Variants in TMEM63C observed in about 807,000 individuals in gnomAD.
TMEM63C encodes osmosensitive cation channel TMEM63C.
In TMEM63C, 32 loss-of-function variants were observed where a neutral mutation model predicts 99.2. That is an observed-to-expected ratio of 0.32 (90% CI 0.24 to 0.43). The LOEUF is 0.43. Among genes scored for constraint, TMEM63C ranks in the 20% least tolerant of loss-of-function variants. The pLI is 1.00. For synonymous variants in TMEM63C, 376 were observed against 397.9 expected, an observed-to-expected ratio of 0.94 and a Z score of 0.66; for missense variants, 826 against 1,053.0, an observed-to-expected ratio of 0.78 and a Z score of 2.98.
intron 1 of TMEM63C, among the ~76,000 whole-genome samples, chr14:77,197,908 C>T (rs1888238492): frequency 6.6e-6 from 1 of 152,208 alleles, no homozygotes; most frequent in South Asian, 2.1e-4. Flanking sequence ...CAGCCCACAT[C>T]TGGGGGTTTG....
At chr14:77,231,525 C>T in intron 6 of TMEM63C, 63 bp from the exon 7 acceptor site, 1 of 1,540,956 alleles carries the variant, frequency 6.5e-7, no homozygotes, top group Non-Finnish European at 8.8e-7. Flanking sequence ...CCTCTACCTC[C>T]CCGCAACAAG....
At chr14:77,225,950 A>C (rs1411650162) in intron 6 of TMEM63C, among the ~76,000 whole-genome samples, 1 of 151,442 alleles carries the variant, frequency 6.6e-6, no homozygotes, top group Non-Finnish European at 1.5e-5. Context: ...GCCAGACCCC[A>C]CTTTGCAAGC....
intron 12 of TMEM63C, among the ~76,000 whole-genome samples, chr14:77,240,179 G>A (rs532614462): frequency 1.3e-5 from 2 of 152,312 alleles, no homozygotes; most frequent in East Asian, 1.9e-4. Flanking sequence ...ACCCTCTCTC[G>A]TGGAAATGCG....
At chr14:77,247,998 AC>A (rs1336287678) in intron 18 of TMEM63C, among the ~76,000 whole-genome samples, 5 of 152,014 alleles carry the variant, frequency 3.3e-5, no homozygotes, top group African/African-American at 1.2e-4. Flanking sequence ...TAGTTTACAG[AC>A]CCCCCAGAAA....
chr14:77,199,781 T>A (rs1888268201), intron 1 of TMEM63C, among the ~76,000 whole-genome samples: 1 of 152,124 alleles, frequency 6.6e-6, no homozygotes, highest in Non-Finnish European at 1.5e-5. Flanking sequence ...CCAGCAGGTG[T>A]GGGACTCATC....
rs573846658 is a variant in TMEM63C, at chr14:77,258,505, T to C, written c.*1779T>C. On this transcript the variant is annotated 3_prime_UTR_variant, in exon 24 of 24. Coordinates refer to ENST00000298351, the MANE Select transcript of TMEM63C (RefSeq NM_020431.4). ...GGCTGGAGAGAGGCTGTCTTTCCCA[T>C]TCCTTGTCCAGCTAGGAATAAAGGG... 1 of 152,446 alleles carries C rather than the reference T, an allele frequency of 6.6e-6. No homozygotes were observed. The highest frequency in any genetic ancestry group is 1.9e-4 in the East Asian group (1 of 5,174). 9.4% of individuals were successfully genotyped at this position (152,446 alleles called of 1,614,324 possible).
At position 77,231,657 on chromosome 14, in the gene TMEM63C, C is replaced by T; in HGVS notation, c.420C>T (p.Ile140=). 1 of 1,551,664 alleles carries T rather than the reference C, an allele frequency of 6.4e-7. No homozygotes were observed. Among genetic ancestry groups the T allele is most frequent in the South Asian group, 1.2e-5 (1 of 84,056 alleles). Residue 140 remains isoleucine (I), a synonymous_variant, in exon 7 of 24, where the codon ATC becomes ATT. Transcript: ENST00000298351. ...ACATCGTGTTCCAGTACCACCTCAT[C>T]ATCTTTGTGCTCATCATCTGTATCC... is the stretch of plus-strand genomic sequence containing the variant. ...RIYIVFQYHL[I]IFVLIICIPS...
At chr14:77,237,596 C>A (rs182142141) in intron 9 of TMEM63C, among the ~76,000 whole-genome samples, 1 of 152,330 alleles carries the variant, frequency 6.6e-6, no homozygotes, top group African/African-American at 2.4e-5. Flanking sequence ...TGGGTATTTT[C>A]CACCAGCTCC....
Position 77,239,728 on chromosome 14 carries a change from T to A in TMEM63C, c.930+2T>A. ...AAGTGCTGGACCTGCTTCAAGGAGG[T>A]AACTGGCTTGAGCGTTGGGAGCACA... On this transcript the variant is annotated splice_donor_variant, in intron 12 of 23. Transcript: ENST00000298351. LOFTEE classifies it high-confidence loss of function. 2 of 1,612,798 alleles carry A rather than the reference T, an allele frequency of 1.2e-6. No individual in the cohort carries two copies. The highest frequency in any genetic ancestry group is 1.7e-6 in the Non-Finnish European group (2 of 1,179,602).
At chr14:77,183,271 G>A (rs951800334) in intron 1 of TMEM63C, among the ~76,000 whole-genome samples, 3 of 152,210 alleles carry the variant, frequency 2.0e-5, no homozygotes, top group African/African-American at 7.2e-5. Flanking sequence ...GCCTCTTCCT[G>A]TCTTCTCTTC....
intron 1 of TMEM63C, chr14:77,201,264 T>A (rs1180980244): frequency 6.6e-6 from 1 of 152,238 alleles, no homozygotes; most frequent in Non-Finnish European, 1.5e-5. Flanking sequence ...CTTGTTATGG[T>A]CTTCTTAGGG....
At chr14:77,231,885 C>G (rs1281791237) in intron 7 of TMEM63C, among the ~76,000 whole-genome samples, 155 bp downstream of exon 7, 1 of 152,230 alleles carries the variant, frequency 6.6e-6, no homozygotes, top group East Asian at 1.9e-4. Flanking sequence ...TGCTTCGCTT[C>G]TCTCATGTGG....
intron 17 of TMEM63C, 149 bp downstream of exon 17, chr14:77,246,175 G>A (rs982291605): frequency 5.2e-5 from 36 of 697,396 alleles, no homozygotes; most frequent in East Asian, 3.0e-4. Flanking sequence ...AGCATGAGCC[G>A]GGCTTCCTGC....
intron 2 of TMEM63C, among the ~76,000 whole-genome samples, chr14:77,218,379 G>C (rs1469960489): frequency 1.3e-5 from 2 of 152,152 alleles, no homozygotes; most frequent in Non-Finnish European, 2.9e-5. Flanking sequence ...CGTCTGCATG[G>C]GCGTTCCGTG....
At chr14:77,196,514 C>G (rs928830116) in intron 1 of TMEM63C, among the ~76,000 whole-genome samples, 1 of 152,212 alleles carries the variant, frequency 6.6e-6, no homozygotes, top group Admixed American at 6.5e-5. Context: ...TGTCCTCTGT[C>G]CCCTGGAAAT....
chr14:77,234,771 A>G (rs1440146457), intron 8 of TMEM63C, among the ~76,000 whole-genome samples: 4 of 152,196 alleles, frequency 2.6e-5, no homozygotes, highest in Non-Finnish European at 5.9e-5. Flanking sequence ...AGGGATGGCA[A>G]ACATGGTCCA....
chr14:77,238,865 C>A, intron 10 of TMEM63C, 98 bp downstream of exon 10: 1 of 953,910 alleles, frequency 1.0e-6, no homozygotes, highest in Non-Finnish European at 1.7e-6. Context: ...GATGGTGGGA[C>A]TGGGACACCC....
At chr14:77,185,263 C>T (rs919838928) in intron 1 of TMEM63C, among the ~76,000 whole-genome samples, 1 of 152,144 alleles carries the variant, frequency 6.6e-6, no homozygotes, top group Non-Finnish European at 1.5e-5. Context: ...CATGCCCAGC[C>T]CTGTGCCTGT....
chr14:77,240,699 C>A (rs1049813645), intron 13 of TMEM63C, 91 bp downstream of exon 13: 3 of 1,502,466 alleles, frequency 2.0e-6, no homozygotes, highest in Admixed American at 1.8e-5. Flanking sequence ...TCCCCTTCTG[C>A]CTCCCCTGGG....
Sources: allele counts gnomAD v4.1 joint callset (sites outside exome capture counted in the v4.1 genomes callset), GRCh38; gene constraint gnomAD v4.1.1; transcripts MANE v1.5; gene names NCBI Gene and HGNC (gene_info 2026-07-23, HGNC 2026-07-21).